The following PHACTR3 variants were observed in gnomAD, a reference collection of about 807,000 sequenced individuals.
PHACTR3 encodes protein phosphatase 1, regulatory subunit 123.
In PHACTR3, 16 loss-of-function variants were observed where a neutral mutation model predicts 66.8. That is an observed-to-expected ratio of 0.24 (90% confidence interval 0.16 to 0.36). The LOEUF (loss-of-function observed/expected upper bound fraction) is 0.36, where lower values mean the gene tolerates loss of function less well. Among genes scored for constraint, PHACTR3 ranks in the 10% least tolerant of loss-of-function variants. The probability of loss-of-function intolerance (pLI) is 1.00; values close to 1 mark genes in which losing one functional copy is unlikely to be tolerated. For missense variants in PHACTR3, 647 were observed against 719.9 expected (o/e 0.90, Z 1.16); for synonymous variants, 323 against 292.1 (o/e 1.11, Z -1.08).
At chr20:59,817,034 C>T (rs2041906050) in intron 8 of PHACTR3, among the ~76,000 whole-genome samples, 1 of 152,194 alleles carries the variant, frequency 6.6e-6, no homozygotes, top group East Asian at 1.9e-4. Context: ...TCAGCACGCA[C>T]AGTGGGTTAG....
intron 7 of PHACTR3, among the ~76,000 whole-genome samples, chr20:59,805,413 A>G (rs2041536343): frequency 6.6e-6 from 1 of 152,224 alleles, no homozygotes; most frequent in Non-Finnish European, 1.5e-5. Context: ...TGCAGGAGAC[A>G]GATGGTAAAC....
chr20:59,737,403 C>T (rs1461990039), intron 1 of PHACTR3, among the ~76,000 whole-genome samples: 1 of 152,194 alleles, frequency 6.6e-6, no homozygotes, highest in African/African-American at 2.4e-5. Flanking sequence ...CAAGGGCCTG[C>T]AGTCAGGAGC....
chr20:59,728,571 A>G (rs980977336), intron 1 of PHACTR3, among the ~76,000 whole-genome samples: 1 of 151,248 alleles, frequency 6.6e-6, no homozygotes, highest in South Asian at 2.1e-4. Flanking sequence ...ACCTTTTGTT[A>G]TTATTATTAT....
chr20:59,751,394 C>T (rs1462311728), intron 3 of PHACTR3, among the ~76,000 whole-genome samples: 1 of 152,152 alleles, frequency 6.6e-6, no homozygotes, highest in Non-Finnish European at 1.5e-5. Context: ...CATTTGAGCC[C>T]CCTCGAAACT....
chr20:59,786,153 T>C (rs991366807), intron 7 of PHACTR3, among the ~76,000 whole-genome samples: 1 of 152,222 alleles, frequency 6.6e-6, no homozygotes, highest in Non-Finnish European at 1.5e-5. Flanking sequence ...ATCCTCCCCT[T>C]TGCCCTGCTC....
chr20:59,719,547 T>C (rs567580708), intron 1 of PHACTR3, among the ~76,000 whole-genome samples: 1 of 152,330 alleles, frequency 6.6e-6, no homozygotes, highest in South Asian at 2.1e-4. Flanking sequence ...TGAAGGGTTG[T>C]TGTGCTTTCA....
chr20:59,594,010 T>C (rs1026852623), intron 1 of PHACTR3, among the ~76,000 whole-genome samples: 1 of 152,198 alleles, frequency 6.6e-6, no homozygotes, highest in Non-Finnish European at 1.5e-5. Flanking sequence ...ATATAAACCT[T>C]AGATTCAGTT....
intron 4 of PHACTR3, among the ~76,000 whole-genome samples, chr20:59,764,396 G>A (rs1235706317): frequency 6.6e-6 from 1 of 152,188 alleles, no homozygotes; most frequent in African/African-American, 2.4e-5. Context: ...TGGCCACATT[G>A]TCCTGGAGGA....
chr20:59,742,215 C>T (rs564050497), intron 1 of PHACTR3, among the ~76,000 whole-genome samples: 5 of 152,226 alleles, frequency 3.3e-5, no homozygotes, highest in Non-Finnish European at 7.3e-5. Flanking sequence ...GATCAGTTTC[C>T]TGTCCGTGCT....
intron 4 of PHACTR3, among the ~76,000 whole-genome samples, chr20:59,762,255 G>C (rs1453118228): frequency 1.1e-4 from 17 of 152,194 alleles, no homozygotes; most frequent in Admixed American, 1.1e-3. Flanking sequence ...CAGGGTGAAG[G>C]GTGGGGAACC....
intron 8 of PHACTR3, among the ~76,000 whole-genome samples, chr20:59,808,979 C>T (rs1488126463): frequency 2.0e-5 from 3 of 152,144 alleles, no homozygotes; most frequent in Admixed American, 6.5e-5. Flanking sequence ...CAGACACCGC[C>T]CAACGTCCCC....
intron 1 of PHACTR3, among the ~76,000 whole-genome samples, chr20:59,717,409 G>A (rs2038130913): frequency 1.3e-5 from 2 of 152,194 alleles, no homozygotes; most frequent in African/African-American, 4.8e-5. Flanking sequence ...ATACTGACAC[G>A]GATGAAATCC....
At position 59,767,262 on chromosome 20, in the gene PHACTR3, A is replaced by G. The variant is rs757049307; in HGVS notation, c.618A>G (p.Gln206=). 1 of 1,614,072 alleles carries G rather than the reference A, an allele frequency of 6.2e-7. No homozygotes were observed. The highest frequency in any genetic ancestry group is 8.5e-7 in the Non-Finnish European group (1 of 1,180,028). The change falls in exon 5 of 13, where the codon CAA becomes CAG. Residue 206 remains glutamine, a synonymous_variant. Coordinates refer to ENST00000371015, the MANE Select transcript of PHACTR3 (RefSeq NM_080672.5). ...TGCCCACCACCAATGAGCTCTCCCA[A>G]GCCTTAGCTGGGGCTGACTCCCTGG... ...SLLPTTNELS[Q]ALAGADSLDS...
At chr20:59,779,456 G>A (rs1200893543) in intron 7 of PHACTR3, among the ~76,000 whole-genome samples, 1 of 152,194 alleles carries the variant, frequency 6.6e-6, no homozygotes, top group Non-Finnish European at 1.5e-5. Context: ...GCTTCTCTCT[G>A]CAGTGTGTTG....
At chr20:59,767,853 C>T (rs2040233357) in intron 5 of PHACTR3, among the ~76,000 whole-genome samples, 1 of 151,730 alleles carries the variant, frequency 6.6e-6, no homozygotes, top group Non-Finnish European at 1.5e-5. Context: ...CCATTCCTTT[C>T]TGTTCCATTC....
rs1192625676 is a variant in PHACTR3, at chr20:59,775,539, G to A, written c.1174+1049G>A. 5.3e-5 allele frequency among the ~76,000 whole-genome samples: 8 copies of A among 152,224 alleles called. No homozygotes were observed. In the South Asian group the frequency reaches 6.2e-4, roughly 12 times the overall value. On this transcript the variant is annotated intron_variant, in intron 7 of 12. Coordinates refer to ENST00000371015, the MANE Select transcript of PHACTR3 (RefSeq NM_080672.5). The stretch of plus-strand genomic sequence containing the variant: ...CCTGCTGCTTTGGAGCCTTTCCACC[G>A]GGTCCGAGGAAGCAATTCTGAGTAT...
At chr20:59,653,402 C>G (rs2035520561) in intron 1 of PHACTR3, among the ~76,000 whole-genome samples, 1 of 152,072 alleles carries the variant, frequency 6.6e-6, no homozygotes, top group South Asian at 2.1e-4. Flanking sequence ...TCAGGCTGGT[C>G]TCGAACTCCT....
chr20:59,810,535 C>G (rs2041704185), intron 8 of PHACTR3, among the ~76,000 whole-genome samples: 1 of 152,250 alleles, frequency 6.6e-6, no homozygotes, highest in Non-Finnish European at 1.5e-5. Flanking sequence ...AGAGATTCCT[C>G]CACCGTCTCT....
rs905227333 is a variant in PHACTR3, at chr20:59,615,440, C to G, written c.118+10308C>G. Among the ~76,000 whole-genome samples the G allele has an allele frequency of 8.5e-5, 13 of 152,190 alleles. 1 individual carries two copies. Among genetic ancestry groups the G allele is most frequent in the Non-Finnish European group, 1.5e-4 (10 of 68,034 alleles). On this transcript the variant is annotated intron_variant, in intron 1 of 12. Transcript: ENST00000371015. ...TGCATCCGGGAAGCTCATGGTCTGG[C>G]TAGGGGCATAACATTTTGACAAGTA...
Sources: gnomAD v4.1 joint callset for allele counts (sites outside exome capture counted in the v4.1 genomes callset) on GRCh38, gnomAD v4.1.1 for gene constraint, MANE v1.5 for transcripts, NCBI Gene and HGNC (gene_info 2026-07-23, HGNC 2026-07-21) for gene names.